The following MGMT variants were observed in gnomAD, a reference collection of about 807,000 sequenced individuals.
MGMT encodes methylated-DNA--protein-cysteine methyltransferase.
In MGMT, 14 loss-of-function variants were observed where a neutral mutation model predicts 15.9. That is an observed-to-expected ratio of 0.88 (90% CI 0.58 to 1.37). The LOEUF is 1.37. Ranked by LOEUF, MGMT falls within the 40% of genes most tolerant of loss-of-function variation. MGMT has a pLI of 0.00. For missense variants in MGMT, 282 were observed against 268.1 expected (o/e 1.05, Z -0.36); for synonymous variants, 130 against 118.2 (o/e 1.10, Z -0.65).
rs533242577 is a variant in MGMT at position 129,762,148 on chromosome 10, G to A, written c.414+2807G>A. Among the ~76,000 whole-genome samples, 68 of 152,322 alleles carry A rather than the reference G, an allele frequency of 4.5e-4. 2 individuals are homozygous for A. In the South Asian group the frequency reaches 0.011, roughly 24 times the overall value. On this transcript the variant is annotated intron_variant, in intron 4 of 4. Transcript: ENST00000651593. Reference sequence around the variant, plus strand: ...TGGCGCTGACAGCAGTGTCCCAGCCGGAAGGCTGCGCACATCCACTCCAGC... The same window carrying A: ...TGGCGCTGACAGCAGTGTCCCAGCCAGAAGGCTGCGCACATCCACTCCAGC...
intron 2 of MGMT, among the ~76,000 whole-genome samples, chr10:129,543,628 T>C (rs767391612): frequency 2.0e-5 from 3 of 152,042 alleles, no homozygotes; most frequent in Non-Finnish European, 2.9e-5. Context: ...GGCAGCCAGG[T>C]GGATAGTATT....
chr10:129,553,887 A>G (rs1011314753), intron 2 of MGMT, among the ~76,000 whole-genome samples: 2 of 152,188 alleles, frequency 1.3e-5, no homozygotes, highest in African/African-American at 4.8e-5. Context: ...CTGAGCGGGT[A>G]TGTGTGAGAA....
rs144578924 is a variant in MGMT at position 129,744,515 on chromosome 10, A to G, written c.275-14687A>G. On this transcript the variant is annotated intron_variant, in intron 3 of 4. Transcript: ENST00000651593. ...GAAGCTGGGCGCACCTCCTCCAGGG[A>G]CCATACTAAAGCAGCTAGCAGCACC... Among the ~76,000 whole-genome samples, 564 of 152,296 alleles carry G rather than the reference A, an allele frequency of 3.7e-3. 2 individuals are homozygous for G. Among genetic ancestry groups the G allele is most frequent in the African/African-American group, 0.012 (497 of 41,572 alleles).
intron 1 of MGMT, among the ~76,000 whole-genome samples, chr10:129,493,134 C>G (rs557382996): frequency 9.2e-5 from 14 of 152,238 alleles, no homozygotes; most frequent in African/African-American, 3.4e-4. Flanking sequence ...TGGGCTGAGC[C>G]TGATCTGTTT....
At chr10:129,683,913 C>T (rs920005276) in intron 2 of MGMT, among the ~76,000 whole-genome samples, 22 of 152,194 alleles carry the variant, frequency 1.4e-4, no homozygotes, top group Admixed American at 2.0e-4. Context: ...CTGATGTTTA[C>T]ATTTCACAGT....
chr10:129,469,168 G>T (rs1188290986), intron 1 of MGMT, among the ~76,000 whole-genome samples: 1 of 152,110 alleles, frequency 6.6e-6, no homozygotes, highest in African/African-American at 2.4e-5. Flanking sequence ...GCCTGAAAAA[G>T]AACTTGCCTT....
At chr10:129,502,589 G>A (rs1192673347) in intron 1 of MGMT, among the ~76,000 whole-genome samples, 1 of 152,104 alleles carries the variant, frequency 6.6e-6, no homozygotes, top group Non-Finnish European at 1.5e-5. Flanking sequence ...TGATATGTGA[G>A]TCGTCTCTCC....
chr10:129,499,713 A>G (rs1344005553), intron 1 of MGMT, among the ~76,000 whole-genome samples: 1 of 152,226 alleles, frequency 6.6e-6, no homozygotes. Flanking sequence ...GTGATACAGT[A>G]TTCATGCTAT....
chr10:129,648,556 T>A (rs1847421949), intron 2 of MGMT, among the ~76,000 whole-genome samples: 1 of 152,214 alleles, frequency 6.6e-6, no homozygotes, highest in South Asian at 2.1e-4. Context: ...TAATAACAAA[T>A]ATGCAAGGAA....
At chr10:129,762,746 G>A (rs982046819) in intron 4 of MGMT, among the ~76,000 whole-genome samples, 1 of 152,146 alleles carries the variant, frequency 6.6e-6, no homozygotes, top group Non-Finnish European at 1.5e-5. Context: ...ATTGCCATGA[G>A]CGTTAATGAC....
chr10:129,635,040 A>G (rs1012908801), intron 2 of MGMT, among the ~76,000 whole-genome samples: 3 of 152,204 alleles, frequency 2.0e-5, no homozygotes, highest in Non-Finnish European at 4.4e-5. Context: ...GTAGAACCAG[A>G]GCAGTGTACT....
intron 1 of MGMT, among the ~76,000 whole-genome samples, chr10:129,468,382 A>G (rs1444039276): frequency 2.0e-5 from 3 of 152,152 alleles, no homozygotes; most frequent in African/African-American, 4.8e-5. Flanking sequence ...TCAGAGGGCC[A>G]GGATACTTGC....
intron 2 of MGMT, among the ~76,000 whole-genome samples, chr10:129,572,829 A>G (rs1846435649): frequency 6.6e-6 from 1 of 152,146 alleles, no homozygotes; most frequent in African/African-American, 2.4e-5. Context: ...TTTATTGTAT[A>G]TGTGTACCCA....
At chr10:129,745,604 G>A (rs766048090) in intron 3 of MGMT, among the ~76,000 whole-genome samples, 32 of 152,304 alleles carry the variant, frequency 2.1e-4, no homozygotes, top group African/African-American at 2.4e-4. Context: ...CTGAGTGTAC[G>A]CTACCGTGTG....
At chr10:129,703,784 C>T (rs527310184) in intron 2 of MGMT, among the ~76,000 whole-genome samples, 2 of 152,316 alleles carry the variant, frequency 1.3e-5, no homozygotes, top group East Asian at 1.9e-4. Flanking sequence ...CCTCACCCAG[C>T]GCCTCAGCCC....
intron 1 of MGMT, among the ~76,000 whole-genome samples, chr10:129,528,612 G>A (rs1194165137): frequency 1.3e-5 from 2 of 151,730 alleles, no homozygotes; most frequent in Admixed American, 1.3e-4. Context: ...TTGGGCTAGG[G>A]GGCCCCCAAA....
chr10:129,510,627 G>A (rs1845671326), intron 1 of MGMT, among the ~76,000 whole-genome samples: 1 of 152,204 alleles, frequency 6.6e-6, no homozygotes, highest in African/African-American at 2.4e-5. Context: ...GTTTTAGGAA[G>A]TTGATAGAAG....
At position 129,574,386 on chromosome 10, in the gene MGMT, C is replaced by T. The variant is rs75069914; in HGVS notation, c.125+38009C>T. ...TTTTTAAGGTGGCTTCCAGTTCATA[C>T]CAAGCTCACATACTGTGGCGAAGAG... On this transcript the variant is annotated intron_variant, in intron 2 of 4. Transcript: ENST00000651593. Among the ~76,000 whole-genome samples, 847 of 152,324 alleles carry T rather than the reference C, an allele frequency of 5.6e-3. 3 individuals are homozygous for T. The highest frequency in any genetic ancestry group is 0.019 in the African/African-American group (806 of 41,568).
intron 1 of MGMT, among the ~76,000 whole-genome samples, chr10:129,521,270 G>A (rs1845807095): frequency 6.6e-6 from 1 of 152,142 alleles, no homozygotes; most frequent in Admixed American, 6.5e-5. Flanking sequence ...CTGGACACGG[G>A]ATTTCAATCC....
Sources: gnomAD v4.1 joint callset for allele counts (sites outside exome capture counted in the v4.1 genomes callset) on GRCh38, gnomAD v4.1.1 for gene constraint, MANE v1.5 for transcripts, NCBI Gene and HGNC (gene_info 2026-07-23, HGNC 2026-07-21) for gene names.